The following SLC44A1 variants were observed in gnomAD, a reference collection of about 807,000 sequenced individuals.
SLC44A1 encodes the protein solute carrier family 44 member 1.
Under a neutral mutation model 79.3 loss-of-function variants are expected in SLC44A1, and 26 were observed. That is an observed-to-expected ratio of 0.33 (90% CI 0.24 to 0.46). The LOEUF (loss-of-function observed/expected upper bound fraction) is 0.46. SLC44A1 is among the 20% of genes least tolerant of loss of function. The probability of loss-of-function intolerance (pLI) is 1.00; values close to 1 mark genes in which losing one functional copy is unlikely to be tolerated. For synonymous variants in SLC44A1, 263 were observed against 286.2 expected (o/e 0.92, Z 0.82); for missense variants, 688 against 798.1 (o/e 0.86, Z 1.66).
chr9:105,391,079 A>G lies in SLC44A1; in HGVS notation c.*2023A>G, dbSNP rs767766091. On this transcript the variant is annotated 3_prime_UTR_variant, in exon 16 of 16. Transcript: ENST00000374720. Reference sequence around the variant, plus strand: ...TTGGGAACTAAATTTAGAATTGGCAAAAGTCTAGAAGATGGGTATCAAAAC... The same window carrying G: ...TTGGGAACTAAATTTAGAATTGGCAGAAGTCTAGAAGATGGGTATCAAAAC... 361 of 985,766 alleles carry G rather than the reference A, an allele frequency of 3.7e-4. No homozygotes were observed. Among genetic ancestry groups the G allele is most frequent in the Non-Finnish European group, 4.2e-4 (350 of 829,940 alleles). 61.1% of individuals were successfully genotyped at this position (985,766 alleles called of 1,614,324 possible). A position where few individuals can be genotyped will look rare whatever the true frequency, so the allele number is the denominator to read the frequency against.
At chr9:105,420,677 C>A (rs1489871254) in intron 15 of SLC44A1, among the ~76,000 whole-genome samples, 7 of 151,920 alleles carry the variant, frequency 4.6e-5, no homozygotes, top group Non-Finnish European at 7.4e-5. Flanking sequence ...GCCTGACCAA[C>A]AGGCAGAAAC....
At chr9:105,281,156 A>C (rs1830341171) in intron 1 of SLC44A1, among the ~76,000 whole-genome samples, 1 of 152,202 alleles carries the variant, frequency 6.6e-6, no homozygotes, top group South Asian at 2.1e-4. Flanking sequence ...CAGTAGAGAA[A>C]TCCCTGTAGG....
At chr9:105,398,428 C>A (rs999267099), downstream of SLC44A1, among the ~76,000 whole-genome samples, 20 of 152,056 alleles carry the variant, frequency 1.3e-4, no homozygotes, top group African/African-American at 4.8e-4. Flanking sequence ...GAATATTAAC[C>A]GATCTGGACT....
intron 3 of SLC44A1, among the ~76,000 whole-genome samples, chr9:105,324,680 T>C (rs1826515291): frequency 6.6e-6 from 1 of 152,184 alleles, no homozygotes; most frequent in African/African-American, 2.4e-5. Context: ...CTGAAAGAAA[T>C]CTGTGATAGG....
intron 15 of SLC44A1, among the ~76,000 whole-genome samples, chr9:105,387,060 A>AAAAAAAAAATATATATATATAT (rs34780893): frequency 2.6e-4 from 2 of 7,726 alleles, no homozygotes; most frequent in Non-Finnish European, 2.4e-4. Context: ...AAAAAAAAAA[A>AAAAAAAAAATATATATATATAT]ATATATATAT....
intron 3 of SLC44A1, among the ~76,000 whole-genome samples, chr9:105,326,924 C>T (rs904101888): frequency 3.3e-5 from 5 of 152,220 alleles, no homozygotes; most frequent in Admixed American, 2.0e-4. Context: ...GCAGTTGGAA[C>T]GTCATCCTTG....
Position 105,391,347 on chromosome 9 carries a change from T to A in SLC44A1, c.*2291T>A. ...ATTTTGTATTTTTGTATAACTTGAT[T>A]GTGTGCCATTTTATATAACAGGTCC... On this transcript the variant is annotated 3_prime_UTR_variant, in exon 16 of 16. Coordinates refer to ENST00000374720, the MANE Select transcript of SLC44A1 (RefSeq NM_080546.5). The A allele has an allele frequency of 1.0e-6, 1 of 984,784 alleles. No individual in the cohort carries two copies. Among genetic ancestry groups the A allele is most frequent in the South Asian group, 4.7e-5 (1 of 21,256 alleles). The allele number at this position is 984,784 out of a possible 1,614,324, so 61.0% of individuals were successfully genotyped here.
intron 15 of SLC44A1, among the ~76,000 whole-genome samples, chr9:105,416,996 TTTGACCTGTG>T (rs1829179871): frequency 6.6e-6 from 1 of 152,214 alleles, no homozygotes; most frequent in Admixed American, 6.5e-5. Flanking sequence ...GGTAATTACA[TTTGACCTGTG>T]TGCTGTAAAA....
At chr9:105,430,754 G>A (rs909598586) in intron 15 of SLC44A1, among the ~76,000 whole-genome samples, 49 of 152,082 alleles carry the variant, frequency 3.2e-4, no homozygotes, top group African/African-American at 1.1e-3. Flanking sequence ...GTTTTTGTGC[G>A]GACATACGTT....
At chr9:105,246,086 AG>A (rs1040721276) in intron 1 of SLC44A1, among the ~76,000 whole-genome samples, 2 of 152,096 alleles carry the variant, frequency 1.3e-5, no homozygotes, top group African/African-American at 4.8e-5. Context: ...TGTTTGTTTT[AG>A]GGGGCAGAAA....
At chr9:105,354,368 C>G (rs912589041) in intron 5 of SLC44A1, among the ~76,000 whole-genome samples, 14 of 152,178 alleles carry the variant, frequency 9.2e-5, no homozygotes, top group Admixed American at 9.2e-4. Flanking sequence ...CTTTTTGATT[C>G]TCATAATATT....
At chr9:105,278,441 G>A (rs1279053281) in intron 1 of SLC44A1, among the ~76,000 whole-genome samples, 1 of 152,078 alleles carries the variant, frequency 6.6e-6, no homozygotes, top group African/African-American at 2.4e-5. Context: ...GTAGAGATGG[G>A]GTTTCATCAT....
chr9:105,393,612 T>A lies in SLC44A1; in HGVS notation c.*4556T>A. On this transcript the variant is annotated 3_prime_UTR_variant, in exon 16 of 16. Coordinates refer to ENST00000374720, the MANE Select transcript of SLC44A1 (RefSeq NM_080546.5). The stretch of plus-strand genomic sequence containing the variant: ...TGATTTCTGTGGAAAACCTTTCTTT[T>A]CTATAGAAATACTGTAGTGCCCTTT... 2.0e-6 allele frequency: 2 copies of A among 976,556 alleles called. No individual in the cohort carries two copies. The highest frequency in any genetic ancestry group is 3.5e-5 in the African/African-American group (2 of 57,208). 60.5% of individuals were successfully genotyped at this position (976,556 alleles called of 1,614,324 possible).
In SLC44A1 at chr9:105,393,500, A is replaced by G; in HGVS notation, c.*4444A>G. The G allele has an allele frequency of 5.3e-6, 5 of 941,374 alleles. No homozygotes were observed. The highest frequency in any genetic ancestry group is 6.3e-6 in the Non-Finnish European group (5 of 789,850). 58.3% of individuals were successfully genotyped at this position (941,374 alleles called of 1,614,324 possible). A position where few individuals can be genotyped will look rare whatever the true frequency, so the allele number is the denominator to read the frequency against. ...GCCAAATTCTTATACTCCATGTTTTAATTTTAAAAGGATAATTTTAATCCA... is the reference window on the plus strand; with the variant it reads ...GCCAAATTCTTATACTCCATGTTTTGATTTTAAAAGGATAATTTTAATCCA... On this transcript the variant is annotated 3_prime_UTR_variant, in exon 16 of 16. Transcript: ENST00000374720.
At chr9:105,322,559 G>C (rs1177237901) in intron 3 of SLC44A1, among the ~76,000 whole-genome samples, 1 of 152,182 alleles carries the variant, frequency 6.6e-6, no homozygotes, top group Non-Finnish European at 1.5e-5. Context: ...GAGAATGAAA[G>C]GGGTATTGCC....
At chr9:105,320,265 T>C (rs563332244) in intron 3 of SLC44A1, among the ~76,000 whole-genome samples, 12 of 152,062 alleles carry the variant, frequency 7.9e-5, no homozygotes, top group Admixed American at 6.5e-5. Context: ...CTAGGTTTTT[T>C]GCCATTTGGG....
chr9:105,297,629 G>A (rs1046405739), intron 1 of SLC44A1, among the ~76,000 whole-genome samples: 9 of 152,098 alleles, frequency 5.9e-5, no homozygotes, highest in Non-Finnish European at 1.2e-4. Flanking sequence ...GTGATCGCCC[G>A]CCTCGGCAAC....
At chr9:105,398,620 C>T (rs774638754), downstream of SLC44A1, among the ~76,000 whole-genome samples, 1 of 152,148 alleles carries the variant, frequency 6.6e-6, no homozygotes, top group African/African-American at 2.4e-5. Context: ...AAATAAAAAT[C>T]TAGAGGATTC....
intron 1 of SLC44A1, among the ~76,000 whole-genome samples, chr9:105,272,525 CTT>C (rs1473805075): frequency 1.3e-5 from 2 of 150,220 alleles, no homozygotes; most frequent in Non-Finnish European, 3.0e-5. Context: ...CAAGAACAAA[CTT>C]ATATACCTTT....
Sources: allele counts gnomAD v4.1 joint callset (sites outside exome capture counted in the v4.1 genomes callset), GRCh38; gene constraint gnomAD v4.1.1; transcripts MANE v1.5; gene names NCBI Gene and HGNC (gene_info 2026-07-23, HGNC 2026-07-21).